HIBADH: variants seen among roughly 807,000 people sequenced by gnomAD.
HIBADH encodes the protein 3-hydroxyisobutyrate dehydrogenase, also known as 3-hydroxyisobutyrate dehydrogenase, mitochondrial.
Under a neutral mutation model 36.1 loss-of-function variants are expected in HIBADH, and 25 were observed. The ratio of observed to expected loss-of-function variants is 0.69; its 90% CI spans 0.50 to 0.97. The LOEUF (loss-of-function observed/expected upper bound fraction) is 0.97. Among genes scored for constraint, HIBADH ranks in the 50% least tolerant of loss-of-function variants. The pLI, the probability that HIBADH is intolerant of heterozygous loss-of-function variation, is 0.00. For synonymous variants in HIBADH, 160 were observed against 149.5 expected (o/e 1.07, Z -0.51); for missense variants, 421 against 418.0 (o/e 1.01, Z -0.06).
At chr7:27,551,077 T>C (rs1029126548) in intron 4 of HIBADH, among the ~76,000 whole-genome samples, 3 of 152,206 alleles carry the variant, frequency 2.0e-5, no homozygotes, top group Non-Finnish European at 2.9e-5. Flanking sequence ...AATGTATACA[T>C]ATTTTATAAC....
chr7:27,640,366 AC>A (rs1785938579), intron 2 of HIBADH, among the ~76,000 whole-genome samples: 1 of 152,078 alleles, frequency 6.6e-6, no homozygotes, highest in Non-Finnish European at 1.5e-5. Context: ...CCCTGTCTCT[AC>A]AAAAATACAA....
chr7:27,641,511 T>C (rs1370752512), intron 2 of HIBADH, among the ~76,000 whole-genome samples: 1 of 152,202 alleles, frequency 6.6e-6, no homozygotes, highest in African/African-American at 2.4e-5. Flanking sequence ...GTTTCAGAGT[T>C]TCACACATAC....
rs145044908 is a variant in HIBADH, at chr7:27,587,669, G to A, written c.484+41702C>T. The stretch of plus-strand genomic sequence containing the variant: ...ACTGCCTATACCCTCTCGCCTTACC[G>A]CTACAATTAGGAGGTTTCGTTCTTT... On this transcript the variant is annotated intron_variant, in intron 4 of 7. Transcript: ENST00000265395. Among the ~76,000 whole-genome samples, 820 of 152,124 alleles carry A rather than the reference G, an allele frequency of 5.4e-3. 8 individuals carry two copies. Among genetic ancestry groups the A allele is most frequent in the African/African-American group, 0.013 (546 of 41,500 alleles).
chr7:27,612,112 G>C (rs1353078450), intron 4 of HIBADH, among the ~76,000 whole-genome samples: 3 of 151,766 alleles, frequency 2.0e-5, no homozygotes, highest in African/African-American at 7.3e-5. Flanking sequence ...CTTATCCCTA[G>C]TGCCTTCTTT....
intron 2 of HIBADH, among the ~76,000 whole-genome samples, chr7:27,636,811 C>G (rs1317331917): frequency 1.3e-5 from 2 of 152,170 alleles, no homozygotes; most frequent in Non-Finnish European, 2.9e-5. Flanking sequence ...AAACCAGTAT[C>G]TTCTGCAAAA....
rs538374966 is a variant in HIBADH at position 27,575,600 on chromosome 7, C to T, written c.485-32500G>A. ...CAGTGAGGTGGATATAACTGTATAG[C>T]AGTGGCATAGCAGCAGGGATGGTAA... On this transcript the variant is annotated intron_variant, in intron 4 of 7. Coordinates refer to ENST00000265395, the MANE Select transcript of HIBADH (RefSeq NM_152740.4). Among the ~76,000 whole-genome samples the T allele has an allele frequency of 1.1e-4, 17 of 152,132 alleles. No homozygotes were observed. In the South Asian group the frequency reaches 2.5e-3, roughly 22 times the overall value.
intron 2 of HIBADH, among the ~76,000 whole-genome samples, chr7:27,644,967 CAATG>C (rs1282591244): frequency 5.3e-5 from 8 of 152,090 alleles, no homozygotes; most frequent in Non-Finnish European, 1.0e-4. Context: ...CAAGGTTTAT[CAATG>C]TTGCAGCAAA....
At chr7:27,613,795 A>G (rs1785377823) in intron 4 of HIBADH, among the ~76,000 whole-genome samples, 1 of 151,602 alleles carries the variant, frequency 6.6e-6, no homozygotes, top group Non-Finnish European at 1.5e-5. Flanking sequence ...AGTAGCTGGG[A>G]CTACAGGTAC....
chr7:27,605,729 T>C (rs1785213337), intron 4 of HIBADH, among the ~76,000 whole-genome samples: 1 of 152,046 alleles, frequency 6.6e-6, no homozygotes, highest in Non-Finnish European at 1.5e-5. Flanking sequence ...ATTTAGAGTT[T>C]AGAAATCTTT....
chr7:27,539,246 G>A (rs915584498), intron 5 of HIBADH, among the ~76,000 whole-genome samples: 4 of 152,100 alleles, frequency 2.6e-5, no homozygotes, highest in African/African-American at 9.7e-5. Context: ...TAGGCCCCCT[G>A]ACCAGTAAAC....
chr7:27,534,622 G>C (rs1296812452), intron 6 of HIBADH, among the ~76,000 whole-genome samples: 4 of 151,960 alleles, frequency 2.6e-5, no homozygotes, highest in African/African-American at 9.7e-5. Flanking sequence ...CCTAATACCT[G>C]CCAGGTATAT....
chr7:27,564,831 G>A (rs924270182), intron 4 of HIBADH, among the ~76,000 whole-genome samples: 4 of 152,082 alleles, frequency 2.6e-5, no homozygotes, highest in Non-Finnish European at 4.4e-5. Flanking sequence ...GTTTTCACAT[G>A]TTCTGCACAT....
At chr7:27,531,373 T>C (rs1276581477) in intron 6 of HIBADH, 25 bp from the exon 7 acceptor site, 3 of 1,589,240 alleles carry the variant, frequency 1.9e-6, no homozygotes, top group Admixed American at 1.7e-5. Flanking sequence ...AGAAAAGAAG[T>C]GTTAAGTGTC....
At chr7:27,533,353 C>G (rs1784028787) in intron 6 of HIBADH, among the ~76,000 whole-genome samples, 1 of 152,076 alleles carries the variant, frequency 6.6e-6, no homozygotes, top group Non-Finnish European at 1.5e-5. Context: ...TTAGAAGCAT[C>G]CTGAGGGGCA....
intron 4 of HIBADH, among the ~76,000 whole-genome samples, chr7:27,586,620 G>A (rs1274634526): frequency 6.6e-6 from 1 of 151,652 alleles, no homozygotes; most frequent in African/African-American, 2.4e-5. Flanking sequence ...AGAAATGAAG[G>A]GGAAGGGGAA....
chr7:27,616,634 CTATTT>C (rs1302579217), intron 4 of HIBADH, among the ~76,000 whole-genome samples: 3 of 151,970 alleles, frequency 2.0e-5, no homozygotes, highest in Non-Finnish European at 4.4e-5. Context: ...ACTGATTTTT[CTATTT>C]TTTGCAGAGA....
At chr7:27,659,524 G>A (rs554346897) in intron 1 of HIBADH, among the ~76,000 whole-genome samples, 1 of 151,844 alleles carries the variant, frequency 6.6e-6, no homozygotes, top group East Asian at 1.9e-4. Flanking sequence ...AGACCAGGCT[G>A]GGCAACATGG....
At chr7:27,584,992 T>C (rs191637453) in intron 4 of HIBADH, among the ~76,000 whole-genome samples, 40 of 152,152 alleles carry the variant, frequency 2.6e-4, no homozygotes, top group African/African-American at 8.7e-4. Flanking sequence ...TACATTCTTA[T>C]AGTTAAATCT....
chr7:27,540,520 T>C (rs181530282), intron 5 of HIBADH, among the ~76,000 whole-genome samples: 35 of 152,344 alleles, frequency 2.3e-4, no homozygotes, highest in Admixed American at 1.8e-3. Context: ...GCACAACATC[T>C]GGACAGTTTT....
Sources: gnomAD v4.1 joint callset for allele counts (sites outside exome capture counted in the v4.1 genomes callset) on GRCh38, gnomAD v4.1.1 for gene constraint, MANE v1.5 for transcripts, NCBI Gene and HGNC (gene_info 2026-07-23, HGNC 2026-07-21) for gene names.